Variants in MYT1L observed in about 807,000 individuals in gnomAD.
The protein encoded by MYT1L is myelin transcription factor 1-like protein.
In MYT1L, 12 loss-of-function variants were observed where a neutral mutation model predicts 126.7. The ratio of observed to expected loss-of-function variants is 0.09; its 90% CI spans 0.06 to 0.15. The LOEUF (loss-of-function observed/expected upper bound fraction) is 0.15, where lower values mean the gene tolerates loss of function less well. Among genes scored for constraint, MYT1L ranks in the 10% least tolerant of loss-of-function variants. The pLI is 1.00. For synonymous variants in MYT1L, 541 were observed against 604.2 expected, an observed-to-expected ratio of 0.90 and a Z score of 1.53; for missense variants, 979 against 1,585.2, an observed-to-expected ratio of 0.62 and a Z score of 6.49.
chr2:2,210,402 T>C (rs1176612020), intron 2 of MYT1L, among the ~76,000 whole-genome samples: 1 of 152,204 alleles, frequency 6.6e-6, no homozygotes, highest in African/African-American at 2.4e-5. Context: ...AGTTTTTAAT[T>C]CACTTTAATT....
chr2:2,041,988 A>C (rs1038758260), intron 4 of MYT1L, among the ~76,000 whole-genome samples: 3 of 152,188 alleles, frequency 2.0e-5, no homozygotes, highest in Non-Finnish European at 2.9e-5. Context: ...TCTTTAAGCT[A>C]ATCTTAGAAG....
At chr2:2,038,454 C>G (rs1198186147) in intron 4 of MYT1L, among the ~76,000 whole-genome samples, 1 of 152,142 alleles carries the variant, frequency 6.6e-6, no homozygotes, top group Non-Finnish European at 1.5e-5. Flanking sequence ...CACCACCCTC[C>G]TTCAACCATT....
At chr2:2,161,919 T>C (rs1245675085) in intron 3 of MYT1L, among the ~76,000 whole-genome samples, 4 of 152,308 alleles carry the variant, frequency 2.6e-5, no homozygotes, top group African/African-American at 9.6e-5. Flanking sequence ...CTAACGGAAG[T>C]GGTCCGAGAA....
At chr2:1,839,425 C>A in intron 20 of MYT1L, 55 bp from the exon 21 acceptor site, 1 of 1,498,444 alleles carries the variant, frequency 6.7e-7, no homozygotes. Context: ...CGCCTGGTGG[C>A]TTCTGTAACA....
intron 3 of MYT1L, among the ~76,000 whole-genome samples, chr2:2,148,408 G>A (rs1032082442): frequency 2.0e-5 from 3 of 152,218 alleles, no homozygotes; most frequent in Non-Finnish European, 4.4e-5. Flanking sequence ...CTGCTGATCT[G>A]ATGGGGGGCG....
At position 1,797,895 on chromosome 2, in the gene MYT1L, TCC is replaced by T. The variant is rs1356228619; in HGVS notation, c.3276+3799_3276+3800del. Among the ~76,000 whole-genome samples the T allele has an allele frequency of 2.5e-3, 194 of 78,442 alleles. 17 individuals carry two copies. The highest frequency in any genetic ancestry group is 7.7e-3 in the Middle Eastern group (1 of 130). 51.5% of individuals were successfully genotyped at this position (78,442 alleles called of 152,430 possible). A position where few individuals can be genotyped will look rare whatever the true frequency, so the allele number is the denominator to read the frequency against. ...CCCATCCGGCACAGGCGCGGCGGTC[TCC>T]CCCTTCTCCGGCACAGGCGCGGCGG... On this transcript the variant is annotated intron_variant, in intron 23 of 24. Transcript: ENST00000647738.
chr2:2,105,663 C>T (rs921358425), intron 3 of MYT1L, among the ~76,000 whole-genome samples: 2 of 152,052 alleles, frequency 1.3e-5, no homozygotes, highest in Non-Finnish European at 2.9e-5. Context: ...AAAAGTAAGG[C>T]GTCATACGTT....
intron 23 of MYT1L, chr2:1,800,208 T>C (rs1231102727): frequency 6.6e-6 from 1 of 152,314 alleles, no homozygotes; most frequent in African/African-American, 2.4e-5. Flanking sequence ...TGGAGTCTCC[T>C]ATACAGTCCA....
intron 10 of MYT1L, among the ~76,000 whole-genome samples, chr2:1,921,254 C>G (rs935123301): frequency 6.6e-6 from 1 of 152,124 alleles, no homozygotes; most frequent in Non-Finnish European, 1.5e-5. Context: ...CTGCCAATTT[C>G]ATGTTTTAAA....
At position 1,917,469 on chromosome 2, in the gene MYT1L, CA is replaced by C; in HGVS notation, c.1484-131del. The C allele has an allele frequency of 9.3e-7, 1 of 1,080,306 alleles. No homozygotes were observed. The highest frequency in any genetic ancestry group is 1.3e-6 in the Non-Finnish European group (1 of 753,496). 66.9% of individuals were successfully genotyped at this position (1,080,306 alleles called of 1,614,324 possible). A position where few individuals can be genotyped will look rare whatever the true frequency, so the allele number is the denominator to read the frequency against. On this transcript the variant is annotated intron_variant, in intron 10 of 24. Transcript: ENST00000647738. The surrounding 1 kb of genome is among the most constrained non-coding windows in gnomAD (Gnocchi z 5.9). ...GGTGTCGGGGGCTAGGCTGTGACAT[CA>C]GACTTTTGCTTAGATAGTTCTTTGG... is the stretch of plus-strand genomic sequence containing the variant.
intron 1 of MYT1L, among the ~76,000 whole-genome samples, chr2:2,321,568 TG>T (rs1408862421): frequency 1.3e-5 from 2 of 152,134 alleles, no homozygotes; most frequent in African/African-American, 4.8e-5. Flanking sequence ...CAAGAGGTGA[TG>T]CCGACTTTTG....
intron 3 of MYT1L, among the ~76,000 whole-genome samples, chr2:2,126,179 T>C (rs2081664305): frequency 6.6e-6 from 1 of 152,218 alleles, no homozygotes; most frequent in African/African-American, 2.4e-5. Context: ...GTTGCTTACA[T>C]GTCTTTCTGG....
intron 3 of MYT1L, among the ~76,000 whole-genome samples, chr2:2,058,530 G>A (rs2069926325): frequency 6.6e-6 from 1 of 152,258 alleles, no homozygotes; most frequent in African/African-American, 2.4e-5. Flanking sequence ...TTCCATTATG[G>A]TAGACACTTT....
intron 2 of MYT1L, among the ~76,000 whole-genome samples, chr2:2,257,473 A>C (rs73913290): frequency 0.016 from 2,455 of 152,262 alleles, 64 homozygotes; most frequent in African/African-American, 0.056. Context: ...GTCAAGGATG[A>C]GGAGAGATGC....
chr2:1,909,468 ATGT>A (rs1266937505), intron 13 of MYT1L, among the ~76,000 whole-genome samples: 2 of 152,160 alleles, frequency 1.3e-5, no homozygotes, highest in Non-Finnish European at 2.9e-5. Flanking sequence ...TTCTGCTGTG[ATGT>A]TGTGTGAAAA....
chr2:1,945,403 TG>T, intron 8 of MYT1L, among the ~76,000 whole-genome samples: 1 of 152,042 alleles, frequency 6.6e-6, no homozygotes, highest in Non-Finnish European at 1.5e-5. Context: ...GCCCAGATCA[TG>T]AGACAGATGA....
At chr2:2,023,739 C>T (rs533180822) in intron 4 of MYT1L, among the ~76,000 whole-genome samples, 28 of 152,076 alleles carry the variant, frequency 1.8e-4, no homozygotes, top group South Asian at 1.0e-3. Context: ...TTCTCAGGGA[C>T]GCAGCCTTGG....
At chr2:2,000,056 G>A (rs949386479) in intron 4 of MYT1L, among the ~76,000 whole-genome samples, 5 of 152,204 alleles carry the variant, frequency 3.3e-5, no homozygotes, top group Non-Finnish European at 5.9e-5. Flanking sequence ...TTCCTTGCCT[G>A]AAATCCGTCC....
chr2:1,948,892 A>T (rs558906036), intron 8 of MYT1L, among the ~76,000 whole-genome samples: 1 of 152,304 alleles, frequency 6.6e-6, no homozygotes, highest in East Asian at 1.9e-4. Flanking sequence ...CCTCTCCTAG[A>T]TTTATATCTC....
Sources: gnomAD v4.1 joint callset for allele counts (sites outside exome capture counted in the v4.1 genomes callset) on GRCh38, gnomAD v4.1.1 for gene constraint, Gnocchi (gnomAD v3.1) non-coding constraint, MANE v1.5 for transcripts, NCBI Gene and HGNC (gene_info 2026-07-23, HGNC 2026-07-21) for gene names.